Variants in TUT4 observed in about 807,000 individuals in gnomAD.
TUT4 encodes the protein terminal uridylyl transferase 4.
TUT4 carries 36 observed loss-of-function variants against 192.2 expected under a neutral mutation model. That is an observed-to-expected ratio of 0.19 (90% CI 0.14 to 0.25). TUT4 has a LOEUF of 0.25. TUT4 is among the 10% of genes least tolerant of loss of function. The probability of loss-of-function intolerance (pLI) is 1.00; values close to 1 mark genes in which losing one functional copy is unlikely to be tolerated. For missense variants in TUT4, 1,493 were observed against 1,957.2 expected (o/e 0.76, Z 4.47); for synonymous variants, 618 against 666.0 (o/e 0.93, Z 1.11).
chr1:52,502,610 T>C (rs1674449851), intron 4 of TUT4, among the ~76,000 whole-genome samples: 2 of 26,344 alleles, frequency 7.6e-5, no homozygotes, highest in Non-Finnish European at 1.3e-4. Flanking sequence ...CTTAGCCCTC[T>C]TTTTTTTTTT....
Position 52,436,915 on chromosome 1 carries a change from CTCT to C in TUT4, c.3999_4001del (p.Glu1334del). On this transcript the variant is annotated inframe_deletion, in exon 26 of 30. Transcript: ENST00000257177. ...GGTCAAGAACATCTCGGGAATCTTT[CTCT>C]TCTTCATTCCCTTCCTTCTCTTCTT... 14 of 1,613,836 alleles carry C rather than the reference CTCT, an allele frequency of 8.7e-6. No individual in the cohort carries two copies. Among genetic ancestry groups the C allele is most frequent in the Non-Finnish European group, 1.2e-5 (14 of 1,179,940 alleles).
At chr1:52,490,705 A>G in intron 8 of TUT4, 27 bp downstream of exon 8, 1 of 1,577,854 alleles carries the variant, frequency 6.3e-7, no homozygotes, top group Non-Finnish European at 8.6e-7. Flanking sequence ...TTGTTTTTTT[A>G]AATATTTTAT....
Position 52,497,199 on chromosome 1 carries a change from T to A in TUT4, c.1000-16A>T, listed in dbSNP as rs1213194295. On this transcript the variant is annotated splice_polypyrimidine_tract_variant and intron_variant, in intron 4 of 29. Transcript: ENST00000257177. ...CTTGTTTTTCCTATTAATGTAATGA[T>A]TCACAACAATAAAAACAAAAAAAGT... 1 of 1,566,124 alleles carries A rather than the reference T, an allele frequency of 6.4e-7. No individual in the cohort carries two copies. The highest frequency in any genetic ancestry group is 8.6e-7 in the Non-Finnish European group (1 of 1,162,846).
chr1:52,452,267 C>T (rs1417079834), intron 20 of TUT4, among the ~76,000 whole-genome samples: 2 of 152,168 alleles, frequency 1.3e-5, no homozygotes, highest in African/African-American at 2.4e-5. Flanking sequence ...AAAGCAGGTT[C>T]AACATCTCAA....
In TUT4 at chr1:52,525,736, T is replaced by G. The variant is rs1371031250; in HGVS notation, c.545A>C (p.Lys182Thr). 6.2e-7 allele frequency: 1 copy of G among 1,614,198 alleles called. No homozygotes were observed. The highest frequency in any genetic ancestry group is 1.1e-5 in the South Asian group (1 of 91,082). The change falls in exon 2 of 30, where the codon AAA becomes ACA. Residue 182 changes from lysine (K) to threonine (T), a missense_variant. Coordinates refer to ENST00000257177, the MANE Select transcript of TUT4 (RefSeq NM_001009881.3). The stretch of plus-strand genomic sequence containing the variant: ...AGAAGTAAAGGAGCTTGGAATTTTT[T>G]TTCCAATCTGTTGTAATTCTGTCTT... ...RQKTELQQIG[K>T]KIPSSFTSVD...
At chr1:52,540,144 G>A (rs1340125520) in intron 1 of TUT4, among the ~76,000 whole-genome samples, 7 of 151,388 alleles carry the variant, frequency 4.6e-5, no homozygotes, top group Non-Finnish European at 7.4e-5. Flanking sequence ...GTGTGAACCC[G>A]GGAGGCAGAG....
intron 1 of TUT4, among the ~76,000 whole-genome samples, chr1:52,548,986 TG>T (rs1688742885): frequency 6.6e-6 from 1 of 152,170 alleles, no homozygotes; most frequent in Non-Finnish European, 1.5e-5. Flanking sequence ...CCCCCAGAGG[TG>T]TTTTCATCCC....
chr1:52,481,978 T>C (rs895342214), intron 9 of TUT4, 55 bp from the exon 10 acceptor site: 2 of 1,394,000 alleles, frequency 1.4e-6, no homozygotes, highest in Non-Finnish European at 1.9e-6. Context: ...ATTTTCATGA[T>C]AAAAGTAGCT....
intron 14 of TUT4, among the ~76,000 whole-genome samples, chr1:52,469,978 G>C (rs1368484888): frequency 6.7e-6 from 1 of 149,872 alleles, no homozygotes; most frequent in Non-Finnish European, 1.5e-5. Flanking sequence ...CACATATTTT[G>C]TTGCTCTGAG....
At chr1:52,468,779 C>T (rs1664894103) in intron 14 of TUT4, among the ~76,000 whole-genome samples, 1 of 152,158 alleles carries the variant, frequency 6.6e-6, no homozygotes, top group South Asian at 2.1e-4. Context: ...AACTGTGTGC[C>T]ACAGTCTGGT....
At chr1:52,542,119 G>A (rs1301486400) in intron 1 of TUT4, among the ~76,000 whole-genome samples, 1 of 152,180 alleles carries the variant, frequency 6.6e-6, no homozygotes, top group East Asian at 1.9e-4. Context: ...TGAGTCTACT[G>A]ATACGCAGTA....
chr1:52,536,279 A>G (rs192280007), intron 1 of TUT4, among the ~76,000 whole-genome samples: 62 of 152,340 alleles, frequency 4.1e-4, no homozygotes, highest in Non-Finnish European at 2.2e-4. Flanking sequence ...GTATTTGCGT[A>G]CTATTTAAAC....
intron 20 of TUT4, among the ~76,000 whole-genome samples, chr1:52,457,937 A>G (rs1451086369): frequency 1.3e-5 from 2 of 152,238 alleles, no homozygotes; most frequent in East Asian, 3.9e-4. Flanking sequence ...AGTATACATA[A>G]GAATAAATCA....
intron 4 of TUT4, among the ~76,000 whole-genome samples, chr1:52,504,893 T>G (rs919947801): frequency 1.3e-5 from 2 of 152,248 alleles, no homozygotes; most frequent in African/African-American, 4.8e-5. Flanking sequence ...TCCATGTTGT[T>G]GCATAATGCA....
chr1:52,442,420 T>A (rs1053255271), intron 24 of TUT4, among the ~76,000 whole-genome samples: 1 of 152,130 alleles, frequency 6.6e-6, no homozygotes, highest in African/African-American at 2.4e-5. Flanking sequence ...TCTCAGTAAC[T>A]AGGAGTGAAA....
chr1:52,511,332 A>C (rs887089435), intron 3 of TUT4, among the ~76,000 whole-genome samples: 2 of 152,220 alleles, frequency 1.3e-5, no homozygotes, highest in African/African-American at 4.8e-5. Flanking sequence ...GTCCTCAAAG[A>C]AAACGCTACC....
At chr1:52,497,815 A>C (rs1672842111) in intron 4 of TUT4, among the ~76,000 whole-genome samples, 1 of 152,270 alleles carries the variant, frequency 6.6e-6, no homozygotes, top group African/African-American at 2.4e-5. Context: ...AATACAAAGA[A>C]GAAAATAACC....
intron 13 of TUT4, among the ~76,000 whole-genome samples, chr1:52,474,168 A>G (rs1288777767): frequency 6.6e-6 from 1 of 152,198 alleles, no homozygotes; most frequent in African/African-American, 2.4e-5. Flanking sequence ...AGATTGCACC[A>G]CTGCACTTCA....
intron 1 of TUT4, among the ~76,000 whole-genome samples, chr1:52,532,605 C>T (rs1201948253): frequency 1.3e-5 from 2 of 152,148 alleles, no homozygotes; most frequent in African/African-American, 4.8e-5. Flanking sequence ...GCTACCATGC[C>T]CGGCCTTACC....
Sources: gnomAD v4.1 joint callset for allele counts (sites outside exome capture counted in the v4.1 genomes callset) on GRCh38, gnomAD v4.1.1 for gene constraint, MANE v1.5 for transcripts, NCBI Gene and HGNC (gene_info 2026-07-23, HGNC 2026-07-21) for gene names.